The following SKA1 variants were observed in gnomAD, a reference collection of about 807,000 sequenced individuals.
SKA1 encodes SKA complex subunit 1.
In SKA1, 20 loss-of-function variants were observed where a neutral mutation model predicts 31.8. The ratio of observed to expected loss-of-function variants is 0.63; its 90% CI spans 0.44 to 0.91. SKA1 has a LOEUF of 0.91. Ranked by LOEUF, SKA1 falls within the 40% of genes least tolerant of loss-of-function variation. The pLI, the probability that SKA1 is intolerant of heterozygous loss-of-function variation, is 0.00. For missense variants in SKA1, 253 were observed against 298.2 expected, an observed-to-expected ratio of 0.85 and a Z score of 1.12; for synonymous variants, 88 against 100.5, an observed-to-expected ratio of 0.88 and a Z score of 0.74.
chr18:50,380,443 T>C (rs897750609), intron 3 of SKA1, among the ~76,000 whole-genome samples, 193 bp downstream of exon 3: 3 of 152,254 alleles, frequency 2.0e-5, no homozygotes, highest in Non-Finnish European at 2.9e-5. Context: ...TTTCTGCTGA[T>C]GGCCAGTGGA....
In SKA1 at chr18:50,377,193, G is replaced by A. The variant is rs1327038942; in HGVS notation, c.88+1275G>A. ...GTACTTTTGTAATACTGGCATTAGA[G>A]TTTGTTTACACCAGCATCACCACAA... On this transcript the variant is annotated intron_variant, in intron 2 of 6. Transcript: ENST00000285116. 3.9e-5 allele frequency among the ~76,000 whole-genome samples: 6 copies of A among 152,110 alleles called. No individual in the cohort carries two copies. In the East Asian group the frequency reaches 9.6e-4, roughly 24 times the overall value.
In SKA1 at chr18:50,380,179, G is replaced by A. The variant is rs1287467675; in HGVS notation, c.142G>A (p.Val48Ile). 17 of 1,558,354 alleles carry A rather than the reference G, an allele frequency of 1.1e-5. No individual in the cohort carries two copies. The highest frequency in any genetic ancestry group is 1.5e-5 in the Non-Finnish European group (17 of 1,159,356). Residue 48 changes from valine (V) to isoleucine (I), a missense_variant, in exon 3 of 7, where the codon GTA (valine) becomes ATA (isoleucine). By Grantham distance (29) the Val-to-Ile change is conservative (BLOSUM62 3). Transcript: ENST00000285116. Reference protein sequence around the residue: ...VLNKIGDEIIVINELLNKLEL... With the variant: ...VLNKIGDEIIIINELLNKLEL... ...AAATAAAATAGGAGATGAGATCATTGTAATAAATGAACTTCTAAATAAATT... is the reference window on the plus strand; with the variant it reads ...AAATAAAATAGGAGATGAGATCATTATAATAAATGAACTTCTAAATAAATT...
intron 6 of SKA1, 35 bp from the exon 7 acceptor site, chr18:50,392,064 C>T: frequency 6.7e-7 from 1 of 1,499,284 alleles, no homozygotes; most frequent in Non-Finnish European, 8.9e-7. Flanking sequence ...GCAAGTTGGC[C>T]TTATAAAAAT....
intron 4 of SKA1, among the ~76,000 whole-genome samples, 161 bp from the exon 5 acceptor site, chr18:50,385,055 T>C (rs1250879689): frequency 6.7e-6 from 1 of 149,440 alleles, no homozygotes; most frequent in Non-Finnish European, 1.5e-5. Flanking sequence ...CTTCACCGTT[T>C]AATGTTCATG....
In SKA1 at chr18:50,393,193, T is replaced by C. The variant is rs1213724666; in HGVS notation, c.*946T>C. 1 of 152,242 alleles carries C rather than the reference T, an allele frequency of 6.6e-6. No individual in the cohort carries two copies. The highest frequency in any genetic ancestry group is 1.5e-5 in the Non-Finnish European group (1 of 68,096). The allele number at this position is 152,242 out of a possible 1,614,324, so 9.4% of individuals were successfully genotyped here. ...TAATAAGATTGGGTACAGATCGGCA[T>C]GCGCCTGTAGTCCCAGCTACTCAGG... On this transcript the variant is annotated 3_prime_UTR_variant, in exon 7 of 7. Transcript: ENST00000285116.
At chr18:50,385,621 G>GA (rs1259582431) in intron 5 of SKA1, among the ~76,000 whole-genome samples, 3 of 152,150 alleles carry the variant, frequency 2.0e-5, no homozygotes, top group Admixed American at 6.5e-5. Flanking sequence ...TCATATTATA[G>GA]AAGTAGCCTC....
At chr18:50,376,175 G>A (rs974256782) in intron 2 of SKA1, among the ~76,000 whole-genome samples, 1 of 152,192 alleles carries the variant, frequency 6.6e-6, no homozygotes, top group Non-Finnish European at 1.5e-5. Flanking sequence ...CCAATGGTGA[G>A]ATTTGAAGGT....
At chr18:50,386,007 C>T (rs2041304644) in intron 5 of SKA1, among the ~76,000 whole-genome samples, 1 of 152,156 alleles carries the variant, frequency 6.6e-6, no homozygotes, top group Admixed American at 6.5e-5. Context: ...GAAAGTAAAA[C>T]TCATCTGTAA....
chr18:50,377,151 AC>A (rs1358701861), intron 2 of SKA1, among the ~76,000 whole-genome samples: 4 of 152,216 alleles, frequency 2.6e-5, no homozygotes, highest in Non-Finnish European at 5.9e-5. Flanking sequence ...TATGTACTAT[AC>A]ATAATTGTAT....
Position 50,392,307 on chromosome 18 carries a change from A to G in SKA1, c.*60A>G, listed in dbSNP as rs79766058. The G allele has an allele frequency of 6.6e-6, 7 of 1,053,950 alleles. No homozygotes were observed. Among genetic ancestry groups the G allele is most frequent in the South Asian group, 8.0e-5 (2 of 24,930 alleles). The allele number at this position is 1,053,950 out of a possible 1,614,324, so 65.3% of individuals were successfully genotyped here. On this transcript the variant is annotated 3_prime_UTR_variant, in exon 7 of 7. Coordinates refer to ENST00000285116, the MANE Select transcript of SKA1 (RefSeq NM_145060.4). ...ATAGAGTATAGAGGCTATTTCTATA[A>G]TTTTCTTATATATAATTTTTTTAAC... is the stretch of plus-strand genomic sequence containing the variant.
chr18:50,391,579 G>T (rs540263728), intron 6 of SKA1, among the ~76,000 whole-genome samples: 21 of 152,308 alleles, frequency 1.4e-4, no homozygotes, highest in Non-Finnish European at 2.6e-4. Context: ...TGTCTGTAGT[G>T]CTGAGCCTGA....
intron 2 of SKA1, 99 bp from the exon 3 acceptor site, chr18:50,380,027 C>G: frequency 1.9e-6 from 2 of 1,041,710 alleles, no homozygotes; most frequent in Non-Finnish European, 2.6e-6. Flanking sequence ...TTCCACCCCT[C>G]TCTAAGGTAC....
chr18:50,381,801 C>G (rs1336382997), intron 3 of SKA1, among the ~76,000 whole-genome samples: 12 of 149,466 alleles, frequency 8.0e-5, no homozygotes, highest in Non-Finnish European at 1.5e-4. Context: ...TCTCAGCTCA[C>G]TGCAGCCTCC....
intron 2 of SKA1, among the ~76,000 whole-genome samples, chr18:50,378,604 G>A (rs1360427174): frequency 6.6e-6 from 1 of 151,716 alleles, no homozygotes; most frequent in African/African-American, 2.4e-5. Context: ...GAGCCTGGTA[G>A]GTTGAGGCTG....
At chr18:50,390,032 G>A (rs1024353209) in intron 5 of SKA1, among the ~76,000 whole-genome samples, 1 of 152,204 alleles carries the variant, frequency 6.6e-6, no homozygotes, top group African/African-American at 2.4e-5. Context: ...TAGAGTTAAA[G>A]TGGAAAACAT....
intron 5 of SKA1, among the ~76,000 whole-genome samples, chr18:50,386,193 C>T (rs2041306381): frequency 6.6e-6 from 1 of 152,032 alleles, no homozygotes. Context: ...ATATAGCTAT[C>T]CAATAACTTG....
rs12326931 is a variant in SKA1, at chr18:50,381,048, A to C, written c.213+798A>C. On this transcript the variant is annotated intron_variant, in intron 3 of 6. Coordinates refer to ENST00000285116, the MANE Select transcript of SKA1 (RefSeq NM_145060.4). Reference sequence around the variant, plus strand: ...ATCCATGAATGTCATTCACCTCTTCAAGGAAAAGACATTATATAAATTCAA... The same window carrying C: ...ATCCATGAATGTCATTCACCTCTTCCAGGAAAAGACATTATATAAATTCAA... Among the ~76,000 whole-genome samples, 485 of 152,320 alleles carry C rather than the reference A, an allele frequency of 3.2e-3. 2 individuals are homozygous for C. Among genetic ancestry groups the C allele is most frequent in the African/African-American group, 0.01 (432 of 41,546 alleles).
At chr18:50,382,336 T>TA (rs2041270173) in intron 4 of SKA1, 110 bp downstream of exon 4, 1 of 600,634 alleles carries the variant, frequency 1.7e-6, no homozygotes, top group Non-Finnish European at 2.7e-6. Context: ...AGCGATGATC[T>TA]AGTTTTTTGT....
intron 5 of SKA1, among the ~76,000 whole-genome samples, chr18:50,386,175 CATATA>C (rs148537619): frequency 0.048 from 7,228 of 152,064 alleles, 584 homozygotes; most frequent in African/African-American, 0.17. Flanking sequence ...CATTAATAGT[CATATA>C]ATATATAGCT....
Sources: gnomAD v4.1 joint callset for allele counts (sites outside exome capture counted in the v4.1 genomes callset) on GRCh38, gnomAD v4.1.1 for gene constraint, MANE v1.5 for transcripts, NCBI Gene and HGNC (gene_info 2026-07-23, HGNC 2026-07-21) for gene names.